The following GPM6A variants were observed in gnomAD, a reference collection of about 807,000 sequenced individuals.
GPM6A encodes glycoprotein M6A.
In GPM6A, 7 loss-of-function variants were observed where a neutral mutation model predicts 32.1. The ratio of observed to expected loss-of-function variants is 0.22; its 90% CI spans 0.12 to 0.41. The LOEUF (loss-of-function observed/expected upper bound fraction) is 0.41. GPM6A is among the 10% of genes least tolerant of loss of function. The pLI is 1.00. For missense variants in GPM6A, 235 were observed against 347.2 expected (o/e 0.68, Z 2.57); for synonymous variants, 130 against 123.4 (o/e 1.05, Z -0.35).
At chr4:175,765,505 AC>A (rs1315900050) in intron 1 of GPM6A, among the ~76,000 whole-genome samples, 10 of 152,196 alleles carry the variant, frequency 6.6e-5, no homozygotes, top group African/African-American at 2.4e-4. Flanking sequence ...ATCGCCTCAA[AC>A]ATTTCTCTTT....
intron 1 of GPM6A, among the ~76,000 whole-genome samples, chr4:175,894,954 A>T (rs938584937): frequency 6.6e-6 from 1 of 152,180 alleles, no homozygotes; most frequent in Non-Finnish European, 1.5e-5. Flanking sequence ...ACTGTAACAC[A>T]CTGCTTCCCA....
chr4:175,637,261 T>A (rs1189109178), intron 6 of GPM6A, among the ~76,000 whole-genome samples: 2 of 25,808 alleles, frequency 7.7e-5, no homozygotes, highest in Non-Finnish European at 7.0e-5. Context: ...TAATATAAAA[T>A]ATATATTATA....
chr4:175,681,135 G>A (rs61044623), intron 2 of GPM6A, among the ~76,000 whole-genome samples: 5,099 of 152,200 alleles, frequency 0.034, 254 homozygotes, highest in East Asian at 0.26. Flanking sequence ...TTGTTGAGTT[G>A]GAAATTAAAG....
At chr4:175,774,753 A>C (rs1213441785) in intron 1 of GPM6A, among the ~76,000 whole-genome samples, 1 of 152,118 alleles carries the variant, frequency 6.6e-6, no homozygotes, top group African/African-American at 2.4e-5. Flanking sequence ...TAATCAGTTA[A>C]AAACTCAGTC....
At chr4:175,686,545 G>T (rs1417967258) in intron 2 of GPM6A, among the ~76,000 whole-genome samples, 1 of 152,200 alleles carries the variant, frequency 6.6e-6, no homozygotes, top group Non-Finnish European at 1.5e-5. Context: ...CGGAGGCAGA[G>T]ATTAGAGTGC....
chr4:175,790,832 T>G (rs1733984303), intron 1 of GPM6A, among the ~76,000 whole-genome samples: 1 of 152,140 alleles, frequency 6.6e-6, no homozygotes, highest in Non-Finnish European at 1.5e-5. Context: ...TGTTCGTTCT[T>G]TTAGGGAGGA....
intron 1 of GPM6A, among the ~76,000 whole-genome samples, chr4:175,915,130 T>G (rs1425781513): frequency 6.6e-6 from 1 of 152,138 alleles, no homozygotes; most frequent in Non-Finnish European, 1.5e-5. Context: ...ATGCAAGTTA[T>G]GAAAATCAAA....
intron 1 of GPM6A, among the ~76,000 whole-genome samples, chr4:175,758,724 A>C (rs1288474049): frequency 6.6e-6 from 1 of 152,022 alleles, no homozygotes; most frequent in Non-Finnish European, 1.5e-5. Context: ...AGTACATAAA[A>C]ATAAATACAA....
intron 1 of GPM6A, among the ~76,000 whole-genome samples, chr4:175,989,317 C>A (rs962274971): frequency 6.6e-6 from 1 of 152,044 alleles, no homozygotes; most frequent in Non-Finnish European, 1.5e-5. Flanking sequence ...ATAATAGCCT[C>A]TTTAAACATT....
At chr4:175,977,659 C>A (rs1383453255) in intron 1 of GPM6A, among the ~76,000 whole-genome samples, 1 of 152,156 alleles carries the variant, frequency 6.6e-6, no homozygotes, top group Non-Finnish European at 1.5e-5. Flanking sequence ...TAAAGACAAT[C>A]TTAATAATTC....
At chr4:175,931,768 A>T (rs1739055743) in intron 1 of GPM6A, among the ~76,000 whole-genome samples, 1 of 151,824 alleles carries the variant, frequency 6.6e-6, no homozygotes, top group South Asian at 2.1e-4. Flanking sequence ...TCAAATCTGC[A>T]TGTCTACATA....
chr4:175,819,991 G>A (rs1231425708), intron 1 of GPM6A, among the ~76,000 whole-genome samples: 1 of 152,156 alleles, frequency 6.6e-6, no homozygotes, highest in African/African-American at 2.4e-5. Flanking sequence ...TGTGATTTCA[G>A]AGTAAAACTA....
chr4:175,724,493 C>T (rs925320158), intron 1 of GPM6A, among the ~76,000 whole-genome samples: 8 of 152,008 alleles, frequency 5.3e-5, no homozygotes, highest in Non-Finnish European at 1.0e-4. Flanking sequence ...TGCAGTAAGC[C>T]GAGACTGTGC....
chr4:175,943,498 A>G (rs1055296392), intron 1 of GPM6A, among the ~76,000 whole-genome samples: 1 of 152,170 alleles, frequency 6.6e-6, no homozygotes, highest in Non-Finnish European at 1.5e-5. Context: ...CCCATTCAGA[A>G]TGATATTGGC....
At chr4:175,772,456 G>A (rs1281549144) in intron 1 of GPM6A, among the ~76,000 whole-genome samples, 1 of 152,162 alleles carries the variant, frequency 6.6e-6, no homozygotes, top group Non-Finnish European at 1.5e-5. Flanking sequence ...TATGTTACCA[G>A]TGTTTCATCC....
chr4:175,919,598 C>T (rs1332319361), intron 1 of GPM6A, among the ~76,000 whole-genome samples: 1 of 152,164 alleles, frequency 6.6e-6, no homozygotes, highest in Non-Finnish European at 1.5e-5. Flanking sequence ...AAGCTTTCAT[C>T]TTTAATAAAC....
rs1172092760 is a variant in GPM6A, at chr4:175,995,823, C to T, written c.-23+6486G>A. Among the ~76,000 whole-genome samples, 5 of 152,138 alleles carry T rather than the reference C, an allele frequency of 3.3e-5. No homozygotes were observed. The East Asian group carries it at 9.6e-4, about 29-fold the overall frequency. On this transcript the variant is annotated intron_variant, in intron 1 of 7. Transcript: ENST00000280187. ...ATATCTTAAAATAAATAGCGAATAT[C>T]TTAAACTGAAAAAGAATTTGTTTTA...
chr4:175,880,529 T>C (rs971537369), intron 1 of GPM6A, among the ~76,000 whole-genome samples: 1 of 152,210 alleles, frequency 6.6e-6, no homozygotes, highest in African/African-American at 2.4e-5. Flanking sequence ...GCATAGAATG[T>C]TCTTCCATTT....
At chr4:175,905,638 GT>G (rs1240175423) in intron 1 of GPM6A, among the ~76,000 whole-genome samples, 1 of 152,046 alleles carries the variant, frequency 6.6e-6, no homozygotes, top group Non-Finnish European at 1.5e-5. Context: ...AATGTTTACT[GT>G]TTCTCAGTTG....
Sources: gnomAD v4.1 joint callset for allele counts (sites outside exome capture counted in the v4.1 genomes callset) on GRCh38, gnomAD v4.1.1 for gene constraint, MANE v1.5 for transcripts, NCBI Gene and HGNC (gene_info 2026-07-23, HGNC 2026-07-21) for gene names.